Variants in TTN observed in about 807,000 individuals in gnomAD.
The protein encoded by TTN is titin, also known as connectin.
In TTN, 1,525 loss-of-function variants were observed where a neutral mutation model predicts 3,223.0. The ratio of observed to expected loss-of-function variants is 0.47; its 90% confidence interval spans 0.45 to 0.49. The LOEUF is 0.49. TTN is among the 20% of genes least tolerant of loss of function. The probability of loss-of-function intolerance (pLI) is 0.00; values close to 1 mark genes in which losing one functional copy is unlikely to be tolerated. For missense variants in TTN, 40,786 were observed against 43,424.0 expected, an observed-to-expected ratio of 0.94 and a Z score of 5.40; for synonymous variants, 14,094 against 15,161.0, an observed-to-expected ratio of 0.93 and a Z score of 5.17.
chr2:178,539,931 C>G lies in TTN; in HGVS notation c.98134G>C (p.Glu32712Gln). ...CCACCTTGCCTTACAAAGATACCTT[C>G]TTGGTATCTTTCATCAAGTTCATAA... ...PDYELDERYQ[E>Q]GIFVRQGGVI... The change falls in exon 352 of 363, where the codon GAA becomes CAA. Residue 32712 changes from glutamate (E) to glutamine (Q), a missense_variant. Coordinates refer to ENST00000589042, the MANE Select transcript of TTN (RefSeq NM_001267550.2). 1 of 1,613,552 alleles carries G rather than the reference C, an allele frequency of 6.2e-7. No individual in the cohort carries two copies. The highest frequency in any genetic ancestry group is 8.5e-7 in the Non-Finnish European group (1 of 1,179,618).
chr2:178,726,752 A>C, intron 69 of TTN: 1 of 184,004 alleles, frequency 5.4e-6, no homozygotes, highest in Non-Finnish European at 1.1e-5. Context: ...TATAGTGAGA[A>C]TGATATATCT....
At chr2:178,688,040 T>C in intron 127 of TTN, 71 bp downstream of exon 127, 1 of 1,278,780 alleles carries the variant, frequency 7.8e-7, no homozygotes, top group Admixed American at 1.8e-5. Context: ...TTCATTGGTC[T>C]GTAGACAATT....
At position 178,599,150 on chromosome 2, in the gene TTN, G is replaced by T. The variant is rs758504388; in HGVS notation, c.56643C>A (p.Leu18881=). 8 of 1,507,960 alleles carry T rather than the reference G, an allele frequency of 5.3e-6. No homozygotes were observed. The African/African-American group carries it at 5.6e-5, about 11-fold the overall frequency. The allele number at this position is 1,507,960 out of a possible 1,614,324, so 93.4% of individuals were successfully genotyped here. ...TGAAAATGTTCTCCTACTTACAGAA[G>T]AGGTTTCTTGCTGTTTCAGGTTCAC... is the stretch of plus-strand genomic sequence containing the variant. ...LDSEPETARN[L]FSVPGAPDKP... The change falls in exon 290 of 363, where the codon CTC becomes CTA. Residue 18881 remains leucine, a synonymous_variant. Coordinates refer to ENST00000589042, the MANE Select transcript of TTN (RefSeq NM_001267550.2).
In TTN at chr2:178,633,244, A is replaced by G; in HGVS notation, c.43029T>C (p.Ser14343=). The G allele has an allele frequency of 1.2e-6, 2 of 1,613,292 alleles. No homozygotes were observed. Among genetic ancestry groups the G allele is most frequent in the Non-Finnish European group, 1.7e-6 (2 of 1,179,502 alleles). The part of the protein sequence containing the change: ...GETAHFEIEL[S]EPDVHGQWKL... ...TCCACTGGCCGTGAACATCAGGTTC[A>G]GAAAGTTCAATTTCAAAGTGGGCTG... Residue 14343 remains serine, a synonymous_variant, in exon 233 of 363, where the codon TCT becomes TCC. Transcript: ENST00000589042.
intron 295 of TTN, 91 bp downstream of exon 295, chr2:178,595,416 G>T: frequency 3.2e-6 from 4 of 1,237,246 alleles, no homozygotes; most frequent in African/African-American, 1.5e-5. Flanking sequence ...TGAATGAAAT[G>T]TACGGCATTT....
chr2:178,671,842 A>T, intron 155 of TTN, 129 bp downstream of exon 155: 1 of 914,974 alleles, frequency 1.1e-6, no homozygotes, highest in Non-Finnish European at 1.6e-6. Flanking sequence ...CTTTGTGTCA[A>T]CTAGTTTAAA....
Position 178,634,000 on chromosome 2 carries a change from G to A in TTN, c.42499C>T (p.His14167Tyr). 1 of 1,613,252 alleles carries A rather than the reference G, an allele frequency of 6.2e-7. No individual in the cohort carries two copies. ...ETATFVCELS[H>Y]EKMHVVWFKN... ...AACCAGACTACATGCATTTTTTCAT[G>A]AGAAAGTTCACAAACAAAAGTTGCT... is the stretch of plus-strand genomic sequence containing the variant. The change falls in exon 231 of 363, where the codon CAT (histidine) becomes TAT (tyrosine). Residue 14167 changes from histidine to tyrosine, a missense_variant. His to Tyr is a moderately conservative substitution (Grantham distance 83, BLOSUM62 2). Transcript: ENST00000589042.
intron 47 of TTN, chr2:178,749,058 C>G (rs761310441): frequency 1.2e-6 from 2 of 1,612,682 alleles, no homozygotes; most frequent in Non-Finnish European, 1.7e-6. Flanking sequence ...TAGTGTATCT[C>G]TTCACCAAGG....
chr2:178,643,870 C>T (rs967059182), intron 218 of TTN, among the ~76,000 whole-genome samples: 1 of 151,812 alleles, frequency 6.6e-6, no homozygotes, highest in Non-Finnish European at 1.5e-5. Context: ...ACACTACTAC[C>T]CATTAGAAAA....
intron 111 of TTN, among the ~76,000 whole-genome samples, chr2:178,699,685 A>G (rs2154287659): frequency 7.0e-6 from 1 of 142,506 alleles, no homozygotes; most frequent in African/African-American, 2.6e-5. Flanking sequence ...TGCTGGGATT[A>G]CAGGCGTGAG....
chr2:178,614,393 T>G (rs781540568), intron 261 of TTN, 45 bp from the exon 262 acceptor site: 1 of 1,578,202 alleles, frequency 6.3e-7, no homozygotes, highest in Non-Finnish European at 8.6e-7. Flanking sequence ...TGTTCACCAT[T>G]TTTTTTATTT....
chr2:178,749,037 T>A, intron 47 of TTN: 1 of 1,612,692 alleles, frequency 6.2e-7, no homozygotes, highest in Non-Finnish European at 8.5e-7. Context: ...TGCTTCACCT[T>A]TTTCCCCGGG....
chr2:178,730,318 T>C lies in TTN; in HGVS notation c.18082A>G (p.Arg6028Gly), dbSNP rs766799309. The stretch of plus-strand genomic sequence containing the variant: ...CCCACAAGAGCCTTTAACTGTACCC[T>C]TGTGTTGGGATTGACATCTTGTGAC... ...PQSQDVNPNT[R>G]VQLKALVGGT... Residue 6028 changes from arginine to glycine, a missense_variant, in exon 62 of 363, where the codon AGG (arginine) becomes GGG (glycine). Physicochemically the swap from Arg to Gly is moderately radical, Grantham distance 125. Transcript: ENST00000589042. The C allele has an allele frequency of 1.9e-6, 3 of 1,611,414 alleles. No homozygotes were observed. The highest frequency in any genetic ancestry group is 1.7e-5 in the Admixed American group (1 of 59,716).
chr2:178,575,235 G>T lies in TTN; in HGVS notation c.70897C>A (p.Leu23633Met). Reference protein sequence around the residue: ...IVKEQTMLPELDLRGIYQKLV... With the variant: ...IVKEQTMLPEMDLRGIYQKLV... ...TTCTGATAGATGCCACGGAGATCCA[G>T]CTCTGGAAGCATTGTCTGCTCCTTG... The change falls in exon 326 of 363, where the codon CTG (leucine) becomes ATG (methionine). Residue 23633 changes from leucine to methionine, a missense_variant. Leu to Met is a conservative substitution (Grantham distance 15). Coordinates refer to ENST00000589042, the MANE Select transcript of TTN (RefSeq NM_001267550.2). This position sits in a 1 kb window ranked among gnomAD's most constrained non-coding sequence, Gnocchi z 4.0. 6.2e-7 allele frequency: 1 copy of T among 1,613,102 alleles called. No individual in the cohort carries two copies. The highest frequency in any genetic ancestry group is 8.5e-7 in the Non-Finnish European group (1 of 1,179,508).
At chr2:178,681,229 T>G (rs960863160) in intron 137 of TTN, 58 bp from the exon 138 acceptor site, 68 of 1,484,938 alleles carry the variant, frequency 4.6e-5, no homozygotes, top group Non-Finnish European at 6.2e-5. Flanking sequence ...TACTATGTAA[T>G]AAATACACAT....
At chr2:178,789,330 G>A (rs753532732) in intron 13 of TTN, 30 bp downstream of exon 13, 1 of 1,612,036 alleles carries the variant, frequency 6.2e-7, no homozygotes, top group Non-Finnish European at 8.5e-7. Flanking sequence ...TTATAATAGG[G>A]GATTTCACAC....
Position 178,733,738 on chromosome 2 carries a change from G to A in TTN, c.15651C>T (p.Ser5217=), listed in dbSNP as rs775165630. 7.4e-6 allele frequency: 12 copies of A among 1,613,682 alleles called. No individual in the cohort carries two copies. ...TCAAGACTGCAACACCATTGGAAAA[G>A]CTCATTTTGATTTTTCCGTCTTCTC... is the stretch of plus-strand genomic sequence containing the variant. ...VIREDGKIKM[S]FSNGVAVLII... Residue 5217 remains serine (S), a synonymous_variant, in exon 53 of 363, where the codon AGC becomes AGT. Transcript: ENST00000589042.
At chr2:178,541,216 A>G in intron 350 of TTN, 66 bp downstream of exon 350, 1 of 1,402,948 alleles carries the variant, frequency 7.1e-7, no homozygotes, top group South Asian at 1.6e-5. Context: ...ATATATTTCA[A>G]AAAGGTGAAT....
At chr2:178,750,808 T>C in intron 47 of TTN, 4 of 1,613,222 alleles carry the variant, frequency 2.5e-6, no homozygotes, top group Non-Finnish European at 3.4e-6. Flanking sequence ...GAGTCTCATA[T>C]ACTTCCTCCT....
Sources: gnomAD v4.1 joint callset for allele counts (sites outside exome capture counted in the v4.1 genomes callset) on GRCh38, gnomAD v4.1.1 for gene constraint, Gnocchi (gnomAD v3.1) non-coding constraint, MANE v1.5 for transcripts, NCBI Gene and HGNC (gene_info 2026-07-23, HGNC 2026-07-21) for gene names.